Variants in MSI2 observed in about 807,000 individuals in gnomAD.
MSI2 encodes the protein musashi RNA binding protein 2.
In MSI2, 17 loss-of-function variants were observed where a neutral mutation model predicts 45.6. The ratio of observed to expected loss-of-function variants is 0.37; its 90% CI spans 0.26 to 0.56. The LOEUF (loss-of-function observed/expected upper bound fraction) is 0.56, where lower values mean the gene tolerates loss of function less well. Among genes scored for constraint, MSI2 ranks in the 20% least tolerant of loss-of-function variants. The pLI, the probability that MSI2 is intolerant of heterozygous loss-of-function variation, is 0.77. For synonymous variants in MSI2, 156 were observed against 158.2 expected (o/e 0.99, Z 0.11); for missense variants, 293 against 444.2 (o/e 0.66, Z 3.06).
intron 5 of MSI2, chr17:57,267,589 C>T (rs541879590): frequency 4.0e-5 from 6 of 151,832 alleles, no homozygotes; most frequent in Admixed American, 2.6e-4. Context: ...TTTTTAAACC[C>T]GGACAATCTT....
chr17:57,460,484 AAAAG>A (rs2085205267), intron 6 of MSI2, among the ~76,000 whole-genome samples: 1 of 152,050 alleles, frequency 6.6e-6, no homozygotes, highest in Non-Finnish European at 1.5e-5. Context: ...AAGAAAAGGA[AAAAG>A]AAAGAGAAGA....
intron 5 of MSI2, among the ~76,000 whole-genome samples, chr17:57,300,208 T>A (rs1321795761): frequency 1.3e-5 from 2 of 152,242 alleles, no homozygotes; most frequent in Admixed American, 6.5e-5. Context: ...AGTGGGATTT[T>A]TTTTTAATGC....
At chr17:57,429,106 T>G (rs2084546821) in intron 6 of MSI2, among the ~76,000 whole-genome samples, 1 of 152,102 alleles carries the variant, frequency 6.6e-6, no homozygotes, top group Non-Finnish European at 1.5e-5. Flanking sequence ...GAGCTAGTGG[T>G]CCTTCCTGGA....
At chr17:57,340,709 C>T (rs781015307) in intron 5 of MSI2, among the ~76,000 whole-genome samples, 1 of 152,096 alleles carries the variant, frequency 6.6e-6, no homozygotes, top group African/African-American at 2.4e-5. Flanking sequence ...ACACTTGAGT[C>T]TTGATTGGGA....
chr17:57,560,309 C>T lies in MSI2; in HGVS notation c.454+30585C>T, dbSNP rs569221219. Among the ~76,000 whole-genome samples, 450 of 152,124 alleles carry T rather than the reference C, an allele frequency of 3.0e-3. 3 individuals are homozygous for T. Among genetic ancestry groups the T allele is most frequent in the Non-Finnish European group, 3.7e-3 (249 of 67,986 alleles). On this transcript the variant is annotated intron_variant, in intron 7 of 13. Coordinates refer to ENST00000284073, the MANE Select transcript of MSI2 (RefSeq NM_138962.4). ...GTGGTGGAGGGGGAGAGTTTGGAGG[C>T]GCTAAGCCCCTCCACTGAAACTCCT...
chr17:57,573,677 G>A (rs770267392), intron 7 of MSI2, among the ~76,000 whole-genome samples: 5 of 152,202 alleles, frequency 3.3e-5, no homozygotes, highest in Non-Finnish European at 7.3e-5. Context: ...AGCTTATCCA[G>A]GGCTGTGTTA....
intron 5 of MSI2, among the ~76,000 whole-genome samples, chr17:57,396,739 C>A (rs1209734357): frequency 1.3e-5 from 2 of 152,164 alleles, no homozygotes; most frequent in Non-Finnish European, 2.9e-5. Flanking sequence ...GCAGAACTTT[C>A]CAGCAATGAT....
chr17:57,690,149 GTTTTT>G, the MSI2 span, among the ~76,000 whole-genome samples: 34 of 142,308 alleles, frequency 2.4e-4, no homozygotes, highest in East Asian at 2.0e-3. Flanking sequence ...GTATTGTTCA[GTTTTT>G]TTTTTTTTTT....
chr17:57,265,569 GTTT>G (rs1907695045), intron 5 of MSI2: 1 of 152,190 alleles, frequency 6.6e-6, no homozygotes, highest in African/African-American at 2.4e-5. Flanking sequence ...CCAAAGGAAG[GTTT>G]TGAATCCTAC....
At chr17:57,530,136 A>C (rs1233187254) in intron 7 of MSI2, among the ~76,000 whole-genome samples, 2 of 152,178 alleles carry the variant, frequency 1.3e-5, no homozygotes, top group Non-Finnish European at 2.9e-5. Context: ...AGAGCCAAAA[A>C]ATCAAAATAA....
chr17:57,478,155 G>A (rs1027273783), intron 6 of MSI2, among the ~76,000 whole-genome samples: 29 of 152,126 alleles, frequency 1.9e-4, no homozygotes, highest in Non-Finnish European at 7.3e-5. Flanking sequence ...CATTGATGGC[G>A]GGCCCACTGG....
intron 6 of MSI2, among the ~76,000 whole-genome samples, chr17:57,426,952 C>T (rs78031357): frequency 0.035 from 5,394 of 152,270 alleles, 112 homozygotes; most frequent in Middle Eastern, 0.085. Context: ...ATGGGAGATG[C>T]GGGTGTCCAC....
intron 5 of MSI2, among the ~76,000 whole-genome samples, chr17:57,289,832 G>A (rs888759040): frequency 6.6e-6 from 1 of 152,240 alleles, no homozygotes; most frequent in Non-Finnish European, 1.5e-5. Context: ...TGAGAAGCTC[G>A]CTGAATCACG....
chr17:57,529,836 T>C lies in MSI2; in HGVS notation c.454+112T>C, dbSNP rs746161047. 3 of 816,062 alleles carry C rather than the reference T, an allele frequency of 3.7e-6. No homozygotes were observed. The highest frequency in any genetic ancestry group is 1.8e-5 in the African/African-American group (1 of 56,388). 50.6% of individuals were successfully genotyped at this position (816,062 alleles called of 1,614,324 possible). On this transcript the variant is annotated intron_variant, in intron 7 of 13. Coordinates refer to ENST00000284073, the MANE Select transcript of MSI2 (RefSeq NM_138962.4). The surrounding 1 kb of genome is among the most constrained non-coding windows in gnomAD (Gnocchi z 5.3). ...AGTGAAGAGTCCAGAGTCAAGCAGGTAGAGGTGACCATCCATTGAAGATCT... is the reference window on the plus strand; with the variant it reads ...AGTGAAGAGTCCAGAGTCAAGCAGGCAGAGGTGACCATCCATTGAAGATCT...
chr17:57,387,352 G>A (rs2083704541), intron 5 of MSI2, among the ~76,000 whole-genome samples: 1 of 152,118 alleles, frequency 6.6e-6, no homozygotes, highest in South Asian at 2.1e-4. Context: ...TATCCCTCTG[G>A]AAAATAAGTT....
rs553642957 is a variant in MSI2, at chr17:57,336,721, ATAT to A, written c.313-64654_313-64652del. 1.4e-4 allele frequency among the ~76,000 whole-genome samples: 22 copies of A among 152,332 alleles called. 2 individuals are homozygous for A. In the South Asian group the frequency reaches 4.6e-3, roughly 32 times the overall value. The stretch of plus-strand genomic sequence containing the variant: ...GTTATAACATACAGTAATTAAAGAA[ATAT>A]TATAGGCATTATATATTGAGCTCTT... On this transcript the variant is annotated intron_variant, in intron 5 of 13. Transcript: ENST00000284073.
intron 5 of MSI2, among the ~76,000 whole-genome samples, chr17:57,378,181 A>G (rs1402239875): frequency 6.6e-6 from 1 of 152,024 alleles, no homozygotes; most frequent in Non-Finnish European, 1.5e-5. Context: ...GGCGCACACA[A>G]TCTTGGTTCA....
chr17:57,284,539 A>C (rs948126011), intron 5 of MSI2, among the ~76,000 whole-genome samples: 1 of 152,210 alleles, frequency 6.6e-6, no homozygotes, highest in Non-Finnish European at 1.5e-5. Context: ...TATATTTTTA[A>C]GTGAATAAGT....
intron 5 of MSI2, among the ~76,000 whole-genome samples, chr17:57,397,967 A>C (rs1285856195): frequency 6.6e-6 from 1 of 152,100 alleles, no homozygotes; most frequent in Admixed American, 6.5e-5. Flanking sequence ...ACTTTGGTGC[A>C]TTGTCTGGGA....
Sources: allele counts gnomAD v4.1 joint callset (sites outside exome capture counted in the v4.1 genomes callset), GRCh38; gene constraint gnomAD v4.1.1; non-coding constraint Gnocchi (gnomAD v3.1); transcripts MANE v1.5; gene names NCBI Gene and HGNC (gene_info 2026-07-23, HGNC 2026-07-21).